The following GUCY2C variants were observed in gnomAD, a reference collection of about 807,000 sequenced individuals.
GUCY2C encodes guanylyl cyclase C.
GUCY2C carries 118 observed loss-of-function variants against 131.1 expected under a neutral mutation model. That is an observed-to-expected ratio of 0.90 (90% CI 0.78 to 1.05). GUCY2C has a LOEUF of 1.05. Ranked by LOEUF, GUCY2C falls within the 50% of genes least tolerant of loss-of-function variation. The pLI is 0.00. For missense variants in GUCY2C, 1,161 were observed against 1,304.4 expected (o/e 0.89, Z 1.69); for synonymous variants, 452 against 457.8 (o/e 0.99, Z 0.16).
Position 14,654,634 on chromosome 12 carries a change from T to C in GUCY2C, c.1471-1620A>G, listed in dbSNP as rs11056083. 6.6e-3 allele frequency among the ~76,000 whole-genome samples: 998 copies of C among 152,322 alleles called. 10 individuals carry two copies. Among genetic ancestry groups the C allele is most frequent in the African/African-American group, 0.023 (945 of 41,582 alleles). ...GATGAATTATACTTCTAGGAATATT[T>C]ATATTTTAAGAAAACATACGGTGAC... On this transcript the variant is annotated intron_variant, in intron 12 of 26. Transcript: ENST00000261170.
chr12:14,623,992 C>G (rs1946952011), intron 21 of GUCY2C, among the ~76,000 whole-genome samples: 1 of 152,138 alleles, frequency 6.6e-6, no homozygotes, highest in South Asian at 2.1e-4. Context: ...GACTATTACA[C>G]TTGGAAAATA....
At chr12:14,629,312 C>T (rs1387406670) in intron 19 of GUCY2C, among the ~76,000 whole-genome samples, 1 of 152,108 alleles carries the variant, frequency 6.6e-6, no homozygotes, top group Non-Finnish European at 1.5e-5. Flanking sequence ...TATTGGGGGT[C>T]TGAAGGAACT....
At chr12:14,694,994 C>T (rs1011263814) in intron 1 of GUCY2C, among the ~76,000 whole-genome samples, 2 of 151,758 alleles carry the variant, frequency 1.3e-5, no homozygotes, top group Admixed American at 6.6e-5. Flanking sequence ...CATATATATC[C>T]CCCAAATTAG....
At chr12:14,679,280 A>G (rs920736090) in intron 6 of GUCY2C, among the ~76,000 whole-genome samples, 25 of 151,990 alleles carry the variant, frequency 1.6e-4, no homozygotes, top group Admixed American at 1.6e-3. Context: ...TGCCCAGGCT[A>G]GTCTGAAACT....
intron 11 of GUCY2C, among the ~76,000 whole-genome samples, chr12:14,658,818 CTA>C (rs1165045522): frequency 6.6e-6 from 1 of 151,436 alleles, no homozygotes; most frequent in Non-Finnish European, 1.5e-5. Context: ...ACAGAGTAAA[CTA>C]TGTCTTTGTG....
intron 20 of GUCY2C, among the ~76,000 whole-genome samples, chr12:14,626,616 ATAATC>A (rs1355322000): frequency 1.3e-5 from 2 of 152,348 alleles, no homozygotes; most frequent in East Asian, 3.9e-4. Flanking sequence ...ACATTTGAAA[ATAATC>A]TAAATGTATA....
rs779816104 is a variant in GUCY2C at position 14,672,904 on chromosome 12, A to AC, written c.1138dup (p.Val380GlyfsTer19). The AC allele has an allele frequency of 6.8e-6, 11 of 1,607,972 alleles. No individual in the cohort carries two copies. The highest frequency in any genetic ancestry group is 9.4e-6 in the Non-Finnish European group (11 of 1,174,536). On this transcript the variant is annotated frameshift_variant, in exon 9 of 27. Coordinates refer to ENST00000261170, the MANE Select transcript of GUCY2C (RefSeq NM_004963.4). LOFTEE classifies it high-confidence loss of function. ...GGTGTCCACAGAGGTATACAGAAGC[A>AC]CCATGGTACTGTCAACATCCCCCCA...
At chr12:14,676,100 C>T (rs1948230437) in intron 7 of GUCY2C, among the ~76,000 whole-genome samples, 1 of 152,168 alleles carries the variant, frequency 6.6e-6, no homozygotes, top group Non-Finnish European at 1.5e-5. Flanking sequence ...TTAAGGTCAT[C>T]AGCATTGCCT....
chr12:14,645,001 T>C (rs1318757036), intron 16 of GUCY2C, among the ~76,000 whole-genome samples: 6 of 152,100 alleles, frequency 3.9e-5, no homozygotes, highest in African/African-American at 9.7e-5. Flanking sequence ...TATAATAAAA[T>C]AATAATAACT....
intron 10 of GUCY2C, among the ~76,000 whole-genome samples, chr12:14,666,246 C>T (rs1024811908): frequency 6.6e-5 from 10 of 152,146 alleles, no homozygotes; most frequent in African/African-American, 2.4e-4. Context: ...TTTACCCGGC[C>T]GGCACAATGA....
intron 25 of GUCY2C, 72 bp downstream of exon 25, chr12:14,616,561 C>T (rs2136970595): frequency 1.2e-6 from 1 of 842,952 alleles, no homozygotes; most frequent in East Asian, 2.4e-5. Context: ...ACTTTCCTGG[C>T]CAAGTCTCAA....
chr12:14,665,283 T>G (rs1226181553), intron 10 of GUCY2C, among the ~76,000 whole-genome samples: 2 of 150,670 alleles, frequency 1.3e-5, no homozygotes, highest in African/African-American at 4.9e-5. Context: ...GATGAGTAGA[T>G]GTTTCCCACC....
At chr12:14,664,036 T>G (rs193035680) in intron 10 of GUCY2C, among the ~76,000 whole-genome samples, 1 of 152,320 alleles carries the variant, frequency 6.6e-6, no homozygotes, top group African/African-American at 2.4e-5. Flanking sequence ...TACAGCTCCT[T>G]TGTATAAGGG....
intron 21 of GUCY2C, among the ~76,000 whole-genome samples, chr12:14,624,193 C>T (rs1428229066): frequency 6.6e-6 from 1 of 152,108 alleles, no homozygotes; most frequent in Non-Finnish European, 1.5e-5. Flanking sequence ...GTAATCCCAG[C>T]ACTTTGGGAG....
chr12:14,667,999 CTTTTT>C (rs11355096), intron 10 of GUCY2C, among the ~76,000 whole-genome samples: 1 of 76,512 alleles, frequency 1.3e-5, no homozygotes, highest in African/African-American at 4.8e-5. Context: ...TAATAATTTT[CTTTTT>C]TTTTTTTTTT....
intron 17 of GUCY2C, among the ~76,000 whole-genome samples, chr12:14,642,082 G>T (rs1947417983): frequency 6.6e-6 from 1 of 152,104 alleles, no homozygotes; most frequent in African/African-American, 2.4e-5. Context: ...GACTATGGCT[G>T]ATATTTTCAA....
chr12:14,679,997 A>G (rs1027082050), intron 5 of GUCY2C, among the ~76,000 whole-genome samples: 1 of 152,044 alleles, frequency 6.6e-6, no homozygotes, highest in Admixed American at 6.6e-5. Context: ...TTATAGATTT[A>G]AGGAGGCTGA....
At chr12:14,662,778 G>GA (rs1360725779) in intron 10 of GUCY2C, among the ~76,000 whole-genome samples, 1 of 151,214 alleles carries the variant, frequency 6.6e-6, no homozygotes, top group Non-Finnish European at 1.5e-5. Context: ...TCAACTTATA[G>GA]AATCAAGTTA....
At chr12:14,676,442 C>T (rs1053057065) in intron 7 of GUCY2C, among the ~76,000 whole-genome samples, 1 of 152,208 alleles carries the variant, frequency 6.6e-6, no homozygotes, top group Non-Finnish European at 1.5e-5. Context: ...ATTTTAATAT[C>T]AGTGACAGGA....
Sources: allele counts gnomAD v4.1 joint callset (sites outside exome capture counted in the v4.1 genomes callset), GRCh38; gene constraint gnomAD v4.1.1; transcripts MANE v1.5; gene names NCBI Gene and HGNC (gene_info 2026-07-23, HGNC 2026-07-21).